CNOT10: variants seen among roughly 807,000 people sequenced by gnomAD.
CNOT10 encodes the protein CCR4-NOT transcription complex subunit 10.
Under a neutral mutation model 94.6 loss-of-function variants are expected in CNOT10, and 30 were observed. The ratio of observed to expected loss-of-function variants is 0.32; its 90% confidence interval spans 0.24 to 0.43. CNOT10 has a LOEUF of 0.43. Among genes scored for constraint, CNOT10 ranks in the 20% least tolerant of loss-of-function variants. The pLI is 1.00. For synonymous variants in CNOT10, 289 were observed against 301.6 expected, an observed-to-expected ratio of 0.96 and a Z score of 0.43; for missense variants, 759 against 877.2, an observed-to-expected ratio of 0.87 and a Z score of 1.70.
chr3:32,746,202 C>T (rs956507003), intron 13 of CNOT10, among the ~76,000 whole-genome samples: 4 of 152,044 alleles, frequency 2.6e-5, no homozygotes, highest in South Asian at 2.1e-4. Context: ...GAAATATAAA[C>T]GCATCAATTT....
intron 1 of CNOT10, among the ~76,000 whole-genome samples, chr3:32,702,698 T>C (rs1697409058): frequency 6.6e-6 from 1 of 152,198 alleles, no homozygotes. Flanking sequence ...CCATAGTTGC[T>C]TGAATATGTG....
At position 32,762,850 on chromosome 3, in the gene CNOT10, T is replaced by C. The variant is rs752812029; in HGVS notation, c.1827T>C (p.Asn609=). Residue 609 remains asparagine (N), a synonymous_variant, in exon 15 of 19, where the codon AAT becomes AAC. Transcript: ENST00000328834. ...ATGTCTCCTTAGGGATCTCTTCAAA[T>C]GAGCAGGACCAAGGTTAATGAGGAC... ...VTDVSLGISS[N]EQDQGSDKGE... The C allele has an allele frequency of 1.9e-6, 3 of 1,551,572 alleles. No homozygotes were observed. The highest frequency in any genetic ancestry group is 2.6e-6 in the Non-Finnish European group (3 of 1,160,134).
At chr3:32,738,116 G>A (rs1360861119) in intron 13 of CNOT10, among the ~76,000 whole-genome samples, 1 of 152,136 alleles carries the variant, frequency 6.6e-6, no homozygotes, top group Non-Finnish European at 1.5e-5. Context: ...TTCTGCAAGA[G>A]TCTGTGTAAG....
At chr3:32,725,148 A>G (rs1698609473) in intron 8 of CNOT10, among the ~76,000 whole-genome samples, 1 of 152,214 alleles carries the variant, frequency 6.6e-6, no homozygotes, top group South Asian at 2.1e-4. Flanking sequence ...AGGGTAGGCA[A>G]TATAGTGAGA....
At position 32,773,614 on chromosome 3, in the gene CNOT10, C is replaced by T. The variant is rs1405265991; in HGVS notation, c.*3C>T. The stretch of plus-strand genomic sequence containing the variant: ...TCACCACTGTGCAGAGAAAGTGATA[C>T]TTCACTTTTGGAAAACTGTTACCTG... On this transcript the variant is annotated 3_prime_UTR_variant, in exon 19 of 19. Transcript: ENST00000328834. 3 of 1,602,556 alleles carry T rather than the reference C, an allele frequency of 1.9e-6. No individual in the cohort carries two copies. Among genetic ancestry groups the T allele is most frequent in the African/African-American group, 1.3e-5 (1 of 74,458 alleles).
intron 13 of CNOT10, among the ~76,000 whole-genome samples, chr3:32,740,816 C>T (rs1469924863): frequency 1.3e-5 from 2 of 150,752 alleles, no homozygotes; most frequent in Non-Finnish European, 2.9e-5. Context: ...AAGCCGAGAT[C>T]GCACCACTGC....
At chr3:32,758,906 T>C (rs1700323706) in intron 13 of CNOT10, among the ~76,000 whole-genome samples, 1 of 152,222 alleles carries the variant, frequency 6.6e-6, no homozygotes, top group African/African-American at 2.4e-5. Context: ...ACTGTGTGAA[T>C]AAAACTTTTT....
intron 13 of CNOT10, among the ~76,000 whole-genome samples, chr3:32,757,421 A>C (rs990259643): frequency 5.9e-5 from 9 of 151,916 alleles, no homozygotes; most frequent in African/African-American, 2.2e-4. Flanking sequence ...TCAGGTGATC[A>C]GCCTGTCTCA....
In CNOT10 at chr3:32,717,248, T is replaced by A; in HGVS notation, c.744+11T>A. Reference sequence around the variant, plus strand: ...AATACAGCTGGAAATGTAAGTTTCTTCTGGACTTTTGTTTTTCAATTTGTG... The same window carrying A: ...AATACAGCTGGAAATGTAAGTTTCTACTGGACTTTTGTTTTTCAATTTGTG... On this transcript the variant is annotated intron_variant, in intron 7 of 18. Transcript: ENST00000328834. 6.4e-7 allele frequency: 1 copy of A among 1,561,348 alleles called. No homozygotes were observed. Among genetic ancestry groups the A allele is most frequent in the Non-Finnish European group, 8.8e-7 (1 of 1,138,074 alleles).
intron 5 of CNOT10, among the ~76,000 whole-genome samples, chr3:32,714,218 G>T (rs1395156472): frequency 6.6e-6 from 1 of 152,092 alleles, no homozygotes; most frequent in Non-Finnish European, 1.5e-5. Flanking sequence ...CTTAGGGGGT[G>T]TGAAGTGGTA....
intron 8 of CNOT10, among the ~76,000 whole-genome samples, chr3:32,722,433 T>C (rs1416191500): frequency 1.3e-5 from 2 of 152,218 alleles, no homozygotes; most frequent in African/African-American, 4.8e-5. Flanking sequence ...CATGCAATGA[T>C]CCCTCAAACT....
chr3:32,767,757 A>C (rs1700714173), intron 17 of CNOT10, among the ~76,000 whole-genome samples: 1 of 152,160 alleles, frequency 6.6e-6, no homozygotes, highest in Non-Finnish European at 1.5e-5. Flanking sequence ...GAGTTAAACC[A>C]GTAAGAGTTA....
At chr3:32,771,416 C>G (rs1294014769) in intron 18 of CNOT10, among the ~76,000 whole-genome samples, 1 of 152,126 alleles carries the variant, frequency 6.6e-6, no homozygotes, top group Non-Finnish European at 1.5e-5. Context: ...GCCTAGCCAA[C>G]ATGGTAAAAC....
At chr3:32,701,613 G>C (rs1045502185) in intron 1 of CNOT10, among the ~76,000 whole-genome samples, 4 of 152,060 alleles carry the variant, frequency 2.6e-5, no homozygotes, top group Non-Finnish European at 5.9e-5. Flanking sequence ...AAAGTGTGTA[G>C]CACCTCCCCC....
chr3:32,722,350 T>C (rs1430510558), intron 8 of CNOT10, among the ~76,000 whole-genome samples: 1 of 152,210 alleles, frequency 6.6e-6, no homozygotes, highest in African/African-American at 2.4e-5. Flanking sequence ...AAATACCCAT[T>C]TCTAATTCTG....
Position 32,704,289 on chromosome 3 carries a change from C to A in CNOT10, c.117+327C>A, listed in dbSNP as rs1196570208. On this transcript the variant is annotated intron_variant, in intron 2 of 18. Transcript: ENST00000328834. ...GTTCAATTCTTTTATTTATTTATTT[C>A]TGAAAATATCAGATTCAAAAATTAT... Among the ~76,000 whole-genome samples, 2 of 151,886 alleles carry A rather than the reference C, an allele frequency of 1.3e-5. 1 individual carries two copies. The highest frequency in any genetic ancestry group is 3.9e-4 in the East Asian group (2 of 5,188).
At chr3:32,753,992 A>ATT in intron 13 of CNOT10, 1 of 605,472 alleles carries the variant, frequency 1.7e-6, no homozygotes, top group Non-Finnish European at 2.7e-6. Flanking sequence ...AGTTACTGGG[A>ATT]AGGCCACCAA....
At chr3:32,749,952 C>T in intron 13 of CNOT10, among the ~76,000 whole-genome samples, 1 of 152,132 alleles carries the variant, frequency 6.6e-6, no homozygotes, top group East Asian at 1.9e-4. Flanking sequence ...TGTGGTGGCT[C>T]ATGCTTGTGA....
chr3:32,768,369 G>A (rs1198059081), intron 17 of CNOT10, among the ~76,000 whole-genome samples: 2 of 152,138 alleles, frequency 1.3e-5, no homozygotes, highest in African/African-American at 4.8e-5. Context: ...ATCATCTGAG[G>A]TGAGGAGTTC....
Sources: gnomAD v4.1 joint callset for allele counts (sites outside exome capture counted in the v4.1 genomes callset) on GRCh38, gnomAD v4.1.1 for gene constraint, MANE v1.5 for transcripts, NCBI Gene and HGNC (gene_info 2026-07-23, HGNC 2026-07-21) for gene names.